TRIM45: variants seen among roughly 807,000 people sequenced by gnomAD.
The protein encoded by TRIM45 is tripartite motif containing 45.
Under a neutral mutation model 46.7 loss-of-function variants are expected in TRIM45, and 45 were observed. The ratio of observed to expected loss-of-function variants is 0.96; its 90% CI spans 0.76 to 1.24. The LOEUF (loss-of-function observed/expected upper bound fraction) is 1.24. Among genes scored for constraint, TRIM45 ranks in the 50% most tolerant of loss-of-function variants. TRIM45 has a pLI of 0.00. For synonymous variants in TRIM45, 259 were observed against 285.8 expected (o/e 0.91, Z 0.94); for missense variants, 680 against 728.4 (o/e 0.93, Z 0.77).
rs1650498728 is a variant in TRIM45, at chr1:117,118,565, T to C, written c.691A>G (p.Ile231Val). The stretch of plus-strand genomic sequence containing the variant: ...CACACAGAGTCCCCATGCTTGTGGA[T>C]GACATTGCTGGTGAAGTCACAGGGG... ...EHPCDFTSNVIHKHGDSVWEL... is the reference protein window; with the variant it reads ...EHPCDFTSNVVHKHGDSVWEL... The change falls in exon 2 of 6, where the codon ATC becomes GTC. Residue 231 changes from isoleucine to valine, a missense_variant. Physicochemically the swap from Ile to Val is conservative, Grantham distance 29. Transcript: ENST00000256649. This position sits in a 1 kb window ranked among gnomAD's most constrained non-coding sequence, Gnocchi z 5.7. 2 of 1,614,074 alleles carry C rather than the reference T, an allele frequency of 1.2e-6. No homozygotes were observed. Among genetic ancestry groups the C allele is most frequent in the African/African-American group, 2.7e-5 (2 of 74,914 alleles).
At position 117,121,683 on chromosome 1, in the gene TRIM45, G is replaced by T; in HGVS notation, c.-482C>A. ...GCGCCGGGTGAGGGAATTGCAAGCC[G>T]CCGGCGGGCTTCTCGGTGTCCACCG... On this transcript the variant is annotated 5_prime_UTR_variant, in exon 1 of 6. Transcript: ENST00000256649. The surrounding 1 kb of genome is among the most constrained non-coding windows in gnomAD (Gnocchi z 4.2). The T allele has an allele frequency of 1.9e-6, 1 of 539,450 alleles. No homozygotes were observed. Among genetic ancestry groups the T allele is most frequent in the Non-Finnish European group, 3.3e-6 (1 of 303,498 alleles). The allele number at this position is 539,450 out of a possible 1,614,324, so 33.4% of individuals were successfully genotyped here.
rs749893392 is a variant in TRIM45, at chr1:117,113,514, C to T, written c.1468-29G>A. ...CAGTGTTCAGACCAAAAGCAATGAA[C>T]AGCATCTTACGAGTTAACAGGATGT... On this transcript the variant is annotated intron_variant, in intron 4 of 5. Transcript: ENST00000256649. This position sits in a 1 kb window ranked among gnomAD's most constrained non-coding sequence, Gnocchi z 4.0. The T allele has an allele frequency of 8.1e-6, 13 of 1,606,198 alleles. No individual in the cohort carries two copies. Among genetic ancestry groups the T allele is most frequent in the South Asian group, 3.3e-5 (3 of 90,332 alleles).
At chr1:117,114,433 G>A (rs1331453729) in intron 4 of TRIM45, among the ~76,000 whole-genome samples, 1 of 152,196 alleles carries the variant, frequency 6.6e-6, no homozygotes, top group East Asian at 1.9e-4. Context: ...CCAAGTAGCT[G>A]GGACTACAGG....
At chr1:117,112,541 CA>C in intron 5 of TRIM45, 88 bp from the exon 6 acceptor site, 1 of 1,274,930 alleles carries the variant, frequency 7.8e-7, no homozygotes, top group South Asian at 1.6e-5. Context: ...GACCTCCTGG[CA>C]ACATGCAGAT....
chr1:117,121,153 T>C lies in TRIM45; in HGVS notation c.49A>G (p.Ser17Gly). Reference sequence around the variant, plus strand: ...CCTGAGTTCCCAAGTGCAGTCCCACTAGTGAGTTTGCTTACAAAGCCCAGC... The same window carrying C: ...CCTGAGTTCCCAAGTGCAGTCCCACCAGTGAGTTTGCTTACAAAGCCCAGC... ...PLLGFVSKLTSGTALGNSGKT... is the reference protein window; with the variant it reads ...PLLGFVSKLTGGTALGNSGKT... The change falls in exon 1 of 6, where the codon AGT becomes GGT. Residue 17 changes from serine (S) to glycine (G), a missense_variant. This residue lies in a region of TRIM45 where 349 missense variants were observed against 343.6 expected (regional missense o/e 1.02). Transcript: ENST00000256649. The surrounding 1 kb of genome is among the most constrained non-coding windows in gnomAD (Gnocchi z 4.2). The C allele has an allele frequency of 6.3e-7, 1 of 1,592,700 alleles. No homozygotes were observed. Among genetic ancestry groups the C allele is most frequent in the African/African-American group, 1.4e-5 (1 of 73,708 alleles).
In TRIM45 at chr1:117,118,776, A is replaced by T. The variant is rs1400311152; in HGVS notation, c.489-9T>A. The T allele has an allele frequency of 6.2e-7, 1 of 1,606,772 alleles. No homozygotes were observed. Among genetic ancestry groups the T allele is most frequent in the South Asian group, 1.1e-5 (1 of 90,532 alleles). ...TCGTTTTCTTCTGCCGCCTAGGGGC[A>T]AACAGAATCAGTAACAGGAAATAAG... On this transcript the variant is annotated splice_polypyrimidine_tract_variant and intron_variant, in intron 1 of 5. Coordinates refer to ENST00000256649, the MANE Select transcript of TRIM45 (RefSeq NM_025188.4). This position sits in a 1 kb window ranked among gnomAD's most constrained non-coding sequence, Gnocchi z 5.7.
In TRIM45 at chr1:117,115,696, G is replaced by A; in HGVS notation, c.1353-7C>T. ...GACCATTGTTCTGACTGGGCTGAAT[G>A]GAGATAAGAGTCAAAACACCACTCA... On this transcript the variant is annotated splice_polypyrimidine_tract_variant and splice_region_variant and intron_variant, in intron 3 of 5. Transcript: ENST00000256649. The surrounding 1 kb of genome is among the most constrained non-coding windows in gnomAD (Gnocchi z 4.2). 6.2e-7 allele frequency: 1 copy of A among 1,600,896 alleles called. No homozygotes were observed.
rs199984487 is a variant in TRIM45 at position 117,113,385 on chromosome 1, C to T, written c.1568G>A (p.Arg523His). 4.9e-5 allele frequency: 79 copies of T among 1,612,200 alleles called. 1 individual carries two copies. The highest frequency in any genetic ancestry group is 4.7e-4 in the South Asian group (43 of 90,992). Reference protein sequence around the residue: ...FCSSGGQKTARCACGGTMPGG... With the variant: ...FCSSGGQKTAHCACGGTMPGG... ...TGGCATGGTGCCTCCACAGGCGCAGCGAGCGGTTTTCTGGCCCCCGCTGGA... is the reference window on the plus strand; with the variant it reads ...TGGCATGGTGCCTCCACAGGCGCAGTGAGCGGTTTTCTGGCCCCCGCTGGA... The change falls in exon 5 of 6, where the codon CGC becomes CAC. Residue 523 changes from arginine to histidine, a missense_variant. Arg to His is a conservative substitution (Grantham distance 29). Around this residue, in one of 3 missense-constraint regions of TRIM45, gnomAD observed 322 missense variants for 359.3 expected, o/e 0.90. Transcript: ENST00000256649. The surrounding 1 kb of genome is among the most constrained non-coding windows in gnomAD (Gnocchi z 4.0).
At chr1:117,119,354 C>T (rs145814623) in intron 1 of TRIM45, among the ~76,000 whole-genome samples, 2,491 of 152,246 alleles carry the variant, frequency 0.016, 76 homozygotes, top group African/African-American at 0.057. Context: ...GCCTGTAACC[C>T]CAGCATTTTG....
In TRIM45 at chr1:117,116,793, G is replaced by T; in HGVS notation, c.1223-48C>A. ...CCTCACCTCGAATGTAAACTGCAGT[G>T]ACTACATCTCCATCTTGCTTTTTCT... On this transcript the variant is annotated intron_variant, in intron 2 of 5. Coordinates refer to ENST00000256649, the MANE Select transcript of TRIM45 (RefSeq NM_025188.4). This position sits in a 1 kb window ranked among gnomAD's most constrained non-coding sequence, Gnocchi z 4.6. 1 of 1,609,934 alleles carries T rather than the reference G, an allele frequency of 6.2e-7. No homozygotes were observed. Among genetic ancestry groups the T allele is most frequent in the South Asian group, 1.1e-5 (1 of 90,834 alleles).
In TRIM45 at chr1:117,112,485, C is replaced by G. The variant is rs374845266; in HGVS notation, c.1595-32G>C. ...GGGACAAAGAGGAAAGGACAAAAAT[C>G]AACCATTAGCGTGGAGGCCAGCAGT... On this transcript the variant is annotated intron_variant, in intron 5 of 5. Coordinates refer to ENST00000256649, the MANE Select transcript of TRIM45 (RefSeq NM_025188.4). 1.1e-4 allele frequency: 181 copies of G among 1,583,044 alleles called. No homozygotes were observed. The African/African-American group carries it at 2.1e-3, about 18-fold the overall frequency.
Position 117,121,329 on chromosome 1 carries a change from T to C in TRIM45, c.-128A>G. 1 of 1,202,292 alleles carries C rather than the reference T, an allele frequency of 8.3e-7. No homozygotes were observed. The highest frequency in any genetic ancestry group is 1.1e-6 in the Non-Finnish European group (1 of 872,906). The allele number at this position is 1,202,292 out of a possible 1,614,324, so 74.5% of individuals were successfully genotyped here. A position where few individuals can be genotyped will look rare whatever the true frequency, so the allele number is the denominator to read the frequency against. On this transcript the variant is annotated 5_prime_UTR_variant, in exon 1 of 6. Coordinates refer to ENST00000256649, the MANE Select transcript of TRIM45 (RefSeq NM_025188.4). The surrounding 1 kb of genome is among the most constrained non-coding windows in gnomAD (Gnocchi z 4.2). ...ACAGAGACCATGGGGACTCCCTCGC[T>C]GACAAATAAAAGGGCAGACGGGAAG... is the stretch of plus-strand genomic sequence containing the variant.
rs1308205880 is a variant in TRIM45, at chr1:117,118,704, C to G, written c.552G>C (p.Arg184=). The change falls in exon 2 of 6, where the codon CGG becomes CGC. Residue 184 remains arginine (R), a synonymous_variant. Coordinates refer to ENST00000256649, the MANE Select transcript of TRIM45 (RefSeq NM_025188.4). This position sits in a 1 kb window ranked among gnomAD's most constrained non-coding sequence, Gnocchi z 5.7. ...CAGGACACAGGATGGGCTTCCCAAT[C>G]CGGCTGTAGCCTTTCAAGTCTTTTA... ...VDLKDLKGYS[R]IGKPILCPVH... 6.2e-7 allele frequency: 1 copy of G among 1,613,604 alleles called. No individual in the cohort carries two copies. Among genetic ancestry groups the G allele is most frequent in the African/African-American group, 1.3e-5 (1 of 74,946 alleles).
Position 117,118,719 on chromosome 1 carries a change from C to A in TRIM45, c.537G>T (p.Leu179Phe). The A allele has an allele frequency of 6.2e-7, 1 of 1,613,598 alleles. No homozygotes were observed. Among genetic ancestry groups the A allele is most frequent in the Non-Finnish European group, 8.5e-7 (1 of 1,180,046 alleles). ...TYHTMVDLKD[L>F]KGYSRIGKPI... is the part of the protein sequence containing the mutation. ...GCTTCCCAATCCGGCTGTAGCCTTT[C>A]AAGTCTTTTAGGTCCACCATGGTGT... The change falls in exon 2 of 6, where the codon TTG becomes TTT. Residue 179 changes from leucine (L) to phenylalanine (F), a missense_variant. Leu to Phe is a conservative substitution (Grantham distance 22). Around this residue, in one of 3 missense-constraint regions of TRIM45, gnomAD observed 349 missense variants for 343.6 expected, o/e 1.02. Coordinates refer to ENST00000256649, the MANE Select transcript of TRIM45 (RefSeq NM_025188.4). This position sits in a 1 kb window ranked among gnomAD's most constrained non-coding sequence, Gnocchi z 5.7.
At chr1:117,123,309 T>C (rs1173250053), upstream of TRIM45, among the ~76,000 whole-genome samples, 1 of 152,228 alleles carries the variant, frequency 6.6e-6, no homozygotes, top group African/African-American at 2.4e-5. Context: ...GGGTTTGCTA[T>C]ATATTCTTGC....
upstream of TRIM45, among the ~76,000 whole-genome samples, chr1:117,123,114 TGAGTC>T (rs1378976690): frequency 3.3e-5 from 5 of 151,166 alleles, no homozygotes; most frequent in East Asian, 9.7e-4. Context: ...AACACGCCAA[TGAGTC>T]AAATGCCACC....
rs758693171 is a variant in TRIM45, at chr1:117,118,319, G to GCCAGTAACTGTTC, written c.936_937insGAACAGTTACTGG (p.Gln313GlufsTer55). On this transcript the variant is annotated frameshift_variant, in exon 2 of 6. Coordinates refer to ENST00000256649, the MANE Select transcript of TRIM45 (RefSeq NM_025188.4). LOFTEE classifies it high-confidence loss of function. The surrounding 1 kb of genome is among the most constrained non-coding windows in gnomAD (Gnocchi z 5.7). Reference sequence around the variant, plus strand: ...AGTAACTGTTCCAGCTGGGCCTTCTGCAGCTGCAGGGAATTTTCCTTCTGG... The same window carrying GCCAGTAACTGTTC: ...AGTAACTGTTCCAGCTGGGCCTTCTGCCAGTAACTGTTCCAGCTGCAGGGAATTTTCCTTCTGG... 5.6e-6 allele frequency: 9 copies of GCCAGTAACTGTTC among 1,614,126 alleles called. No individual in the cohort carries two copies. Among genetic ancestry groups the GCCAGTAACTGTTC allele is most frequent in the Non-Finnish European group, 5.9e-6 (7 of 1,180,020 alleles).
At chr1:117,121,823 G>A (rs1650653094), upstream of TRIM45, 3 of 709,464 alleles carry the variant, frequency 4.2e-6, no homozygotes, top group East Asian at 2.7e-5. The surrounding 1 kb of genome is among the most constrained non-coding windows in gnomAD (Gnocchi z 4.2). Context: ...GGCCCTCGCC[G>A]CTCCGGGCCC....
At chr1:117,121,768 C>A, upstream of TRIM45, 1 of 705,418 alleles carries the variant, frequency 1.4e-6, no homozygotes, top group Non-Finnish European at 2.6e-6. The surrounding 1 kb of genome is among the most constrained non-coding windows in gnomAD (Gnocchi z 4.2). Flanking sequence ...ACACCAATCC[C>A]AGCCCGGTCT....
Sources: allele counts gnomAD v4.1 joint callset (sites outside exome capture counted in the v4.1 genomes callset), GRCh38; gene constraint gnomAD v4.1.1; regional missense constraint gnomAD v4.1.1; non-coding constraint Gnocchi (gnomAD v3.1); transcripts MANE v1.5; gene names NCBI Gene and HGNC (gene_info 2026-07-23, HGNC 2026-07-21).